MYO3A: variants seen among roughly 807,000 people sequenced by gnomAD.
MYO3A encodes myosin-IIIa.
A neutral mutation model predicts 192.7 loss-of-function variants in MYO3A; 180 were observed. That is an observed-to-expected ratio of 0.93 (90% CI 0.83 to 1.06). The LOEUF (loss-of-function observed/expected upper bound fraction) is 1.06, where lower values mean the gene tolerates loss of function less well. Among genes scored for constraint, MYO3A ranks in the 50% least tolerant of loss-of-function variants. MYO3A has a pLI of 0.00. For synonymous variants in MYO3A, 628 were observed against 645.3 expected, an observed-to-expected ratio of 0.97 and a Z score of 0.41; for missense variants, 1,896 against 1,905.0, an observed-to-expected ratio of 1.00 and a Z score of 0.09.
chr10:26,182,088 T>C (rs951563543), intron 31 of MYO3A, among the ~76,000 whole-genome samples: 1 of 152,174 alleles, frequency 6.6e-6, no homozygotes, highest in Non-Finnish European at 1.5e-5. Context: ...CGCGAGGTGG[T>C]TCATTAACAA....
chr10:26,033,035 T>C (rs562981449), intron 10 of MYO3A, among the ~76,000 whole-genome samples: 20 of 152,286 alleles, frequency 1.3e-4, no homozygotes, highest in South Asian at 1.0e-3. Flanking sequence ...ATTAAACTTA[T>C]GGTATTCCAT....
chr10:26,136,874 G>A (rs1446084362), intron 20 of MYO3A, among the ~76,000 whole-genome samples: 1 of 152,078 alleles, frequency 6.6e-6, no homozygotes, highest in Non-Finnish European at 1.5e-5. Flanking sequence ...ACAAAAATTA[G>A]TGGGGCATGG....
Position 26,143,444 on chromosome 10 carries a change from A to G in MYO3A, c.2263-4A>G. 1.2e-6 allele frequency: 2 copies of G among 1,608,618 alleles called. No homozygotes were observed. The highest frequency in any genetic ancestry group is 1.7e-6 in the Non-Finnish European group (2 of 1,175,160). On this transcript the variant is annotated splice_region_variant and splice_polypyrimidine_tract_variant and intron_variant, in intron 20 of 34. Coordinates refer to ENST00000642920, the MANE Select transcript of MYO3A (RefSeq NM_017433.5). ...AGTTTTAAGTGGTTTTGTCTTTATT[A>G]TAGAATGAATACCTAAATGAAGATG...
At chr10:26,079,012 A>T (rs1233709919) in intron 14 of MYO3A, among the ~76,000 whole-genome samples, 1 of 152,132 alleles carries the variant, frequency 6.6e-6, no homozygotes, top group Non-Finnish European at 1.5e-5. Context: ...TGTTCTGTAT[A>T]TATCTGTTAA....
chr10:26,009,863 A>G (rs993237255), intron 6 of MYO3A, among the ~76,000 whole-genome samples: 7 of 152,204 alleles, frequency 4.6e-5, no homozygotes, highest in Admixed American at 3.3e-4. Context: ...GTTAATAGAA[A>G]TTGTGGTGGG....
At chr10:26,059,553 C>T (rs1333370445) in intron 10 of MYO3A, among the ~76,000 whole-genome samples, 1 of 152,234 alleles carries the variant, frequency 6.6e-6, no homozygotes, top group Non-Finnish European at 1.5e-5. Flanking sequence ...TGGAATCCTA[C>T]TTCTACTTAA....
intron 11 of MYO3A, 118 bp downstream of exon 11, chr10:26,067,192 T>TA: frequency 2.9e-6 from 2 of 701,702 alleles, no homozygotes; most frequent in Non-Finnish European, 5.1e-6. Flanking sequence ...TTAAGAATCT[T>TA]AACACTCACT....
intron 2 of MYO3A, among the ~76,000 whole-genome samples, chr10:25,937,454 A>G (rs986802587): frequency 2.6e-5 from 4 of 152,202 alleles, no homozygotes; most frequent in African/African-American, 9.6e-5. Context: ...CTGTATTGCA[A>G]TTTACGAAAC....
intron 14 of MYO3A, among the ~76,000 whole-genome samples, chr10:26,077,317 A>G (rs1588911317): frequency 1.5e-5 from 2 of 131,388 alleles, no homozygotes; most frequent in South Asian, 4.9e-4. Flanking sequence ...TTGTTGGTAT[A>G]TAGAAGAATT....
intron 20 of MYO3A, among the ~76,000 whole-genome samples, chr10:26,131,783 T>G (rs1280528493): frequency 6.6e-6 from 1 of 152,190 alleles, no homozygotes; most frequent in Non-Finnish European, 1.5e-5. Flanking sequence ...TTTAATGAAA[T>G]CTAAAGATAC....
chr10:25,971,351 C>T (rs1838629422), intron 4 of MYO3A, among the ~76,000 whole-genome samples: 2 of 152,210 alleles, frequency 1.3e-5, no homozygotes, highest in South Asian at 4.2e-4. Context: ...TATACAATTG[C>T]TTTTTAAATA....
intron 17 of MYO3A, among the ~76,000 whole-genome samples, chr10:26,100,846 A>G (rs1434327929): frequency 6.6e-6 from 1 of 152,012 alleles, no homozygotes; most frequent in Non-Finnish European, 1.5e-5. Flanking sequence ...TAAGTGTGAT[A>G]TGGTGCTGAG....
chr10:26,082,381 A>T (rs775767737), intron 14 of MYO3A, among the ~76,000 whole-genome samples: 21 of 151,882 alleles, frequency 1.4e-4, no homozygotes, highest in Non-Finnish European at 2.6e-4. Context: ...TTTTTCAGTT[A>T]GGTTGTTATT....
chr10:26,010,463 T>TG (rs747474763), intron 6 of MYO3A, among the ~76,000 whole-genome samples: 8,359 of 146,982 alleles, frequency 0.057, 320 homozygotes, highest in African/African-American at 0.088. Flanking sequence ...TTTTTTTTTT[T>TG]TTTTTTTTGT....
intron 17 of MYO3A, among the ~76,000 whole-genome samples, chr10:26,107,451 A>G (rs1412931293): frequency 6.7e-6 from 1 of 149,608 alleles, no homozygotes; most frequent in South Asian, 2.1e-4. Context: ...ATTGCACTCC[A>G]GCCTGGGCGA....
At position 26,125,410 on chromosome 10, in the gene MYO3A, T is replaced by C. The variant is rs1839158000; in HGVS notation, c.1916T>C (p.Leu639Pro). The change falls in exon 19 of 35, where the codon CTT (leucine) becomes CCT (proline). Residue 639 changes from leucine (L) to proline (P), a missense_variant. Transcript: ENST00000642920. ...GTTTGTTTTTCAGGTGCTTCTTTGC[T>C]TTGCATTCGGGCAGATGAGCTACAA... ...HTALENCASL[L>P]CIRADELQEA... 1.2e-6 allele frequency: 2 copies of C among 1,613,904 alleles called. No individual in the cohort carries two copies. The highest frequency in any genetic ancestry group is 1.7e-6 in the Non-Finnish European group (2 of 1,179,924).
chr10:26,039,031 T>C (rs897235181), intron 10 of MYO3A, among the ~76,000 whole-genome samples: 1 of 151,580 alleles, frequency 6.6e-6, no homozygotes, highest in Non-Finnish European at 1.5e-5. Flanking sequence ...TTTTGTTTGT[T>C]TGTTTGTTTG....
At chr10:26,081,133 T>TCCCCCCCCCTTCCCCC (rs1835907338) in intron 14 of MYO3A, among the ~76,000 whole-genome samples, 21 of 84,936 alleles carry the variant, frequency 2.5e-4, no homozygotes, top group African/African-American at 8.9e-4. Flanking sequence ...TATATGCCCT[T>TCCCCCCCCCTTCCCCC]CCCCCCCCCC....
At chr10:25,997,122 T>C in intron 5 of MYO3A, 37 bp from the exon 6 acceptor site, 2 of 1,532,516 alleles carry the variant, frequency 1.3e-6, no homozygotes, top group East Asian at 2.3e-5. Context: ...TGTTTGATGC[T>C]TTTGTTAAGA....
Sources: gnomAD v4.1 joint callset for allele counts (sites outside exome capture counted in the v4.1 genomes callset) on GRCh38, gnomAD v4.1.1 for gene constraint, MANE v1.5 for transcripts, NCBI Gene and HGNC (gene_info 2026-07-23, HGNC 2026-07-21) for gene names.